Variants in WDR1 observed in about 807,000 individuals in gnomAD.
WDR1 encodes WD repeat domain 1, also known as WD repeat-containing protein 1.
A neutral mutation model predicts 71.9 loss-of-function variants in WDR1; 21 were observed. The ratio of observed to expected loss-of-function variants is 0.29; its 90% CI spans 0.21 to 0.42. WDR1 has a LOEUF of 0.42. Among genes scored for constraint, WDR1 ranks in the 10% least tolerant of loss-of-function variants. The pLI, the probability that WDR1 is intolerant of heterozygous loss-of-function variation, is 1.00. For missense variants in WDR1, 696 were observed against 824.5 expected (o/e 0.84, Z 1.91); for synonymous variants, 424 against 347.4 (o/e 1.22, Z -2.45).
intron 5 of WDR1, among the ~76,000 whole-genome samples, chr4:10,093,926 T>C (rs1043626639): frequency 1.3e-5 from 2 of 152,218 alleles, no homozygotes; most frequent in African/African-American, 2.4e-5. Flanking sequence ...GAGCTCAAAT[T>C]TTCCTTATCT....
chr4:10,112,854 G>A (rs1016935403), intron 2 of WDR1, among the ~76,000 whole-genome samples: 3 of 152,236 alleles, frequency 2.0e-5, no homozygotes, highest in Non-Finnish European at 2.9e-5. Context: ...GGCAGTGACT[G>A]AAAGAGAGGG....
At chr4:10,086,977 G>A (rs1246114043) in intron 8 of WDR1, among the ~76,000 whole-genome samples, 5 of 152,086 alleles carry the variant, frequency 3.3e-5, no homozygotes, top group South Asian at 2.1e-4. Context: ...TCCCAGAGGC[G>A]TCAACTTGGC....
chr4:10,113,013 T>G (rs1401628076), intron 2 of WDR1, among the ~76,000 whole-genome samples: 1 of 152,138 alleles, frequency 6.6e-6, no homozygotes, highest in Admixed American at 6.5e-5. Context: ...GGATGGAAAA[T>G]TCTATTCCGG....
At chr4:10,077,542 A>T in intron 13 of WDR1, 94 bp from the exon 14 acceptor site, 1 of 1,577,424 alleles carries the variant, frequency 6.3e-7, no homozygotes, top group Non-Finnish European at 8.6e-7. Context: ...GACAATAAGG[A>T]CCGAGGTTTC....
At chr4:10,087,021 C>CG (rs1396724146) in intron 8 of WDR1, among the ~76,000 whole-genome samples, 2 of 152,174 alleles carry the variant, frequency 1.3e-5, no homozygotes, top group Non-Finnish European at 2.9e-5. Context: ...AGGACCCCCC[C>CG]AGCCAATGGA....
At chr4:10,099,808 G>GT (rs1407378044) in intron 3 of WDR1, among the ~76,000 whole-genome samples, 5 of 152,252 alleles carry the variant, frequency 3.3e-5, no homozygotes, top group African/African-American at 1.2e-4. Context: ...GAATCCAAGC[G>GT]TAAGATTCTT....
intron 3 of WDR1, 115 bp downstream of exon 3, chr4:10,103,781 C>T: frequency 3.8e-6 from 1 of 263,014 alleles, no homozygotes; most frequent in Non-Finnish European, 7.5e-6. Context: ...CCTGCTCCCC[C>T]ACCCCCCACC....
rs769175785 is a variant in WDR1, at chr4:10,087,750, T to C, written c.908A>G (p.Tyr303Cys). The change falls in exon 8 of 15, where the codon TAT becomes TGT. Residue 303 changes from tyrosine to cysteine, a missense_variant. Physicochemically the swap from Tyr to Cys is radical, Grantham distance 194. Coordinates refer to ENST00000499869, the MANE Select transcript of WDR1 (RefSeq NM_017491.5). Reference sequence around the variant, plus strand: ...CTTGCTGGGGTTGTTTCTGTCCAGATAGTTGATGTACCCGGACAGGGAGAC... The same window carrying C: ...CTTGCTGGGGTTGTTTCTGTCCAGACAGTTGATGTACCCGGACAGGGAGAC... ...LSVSLSGYIN[Y>C]LDRNNPSKPL... The C allele has an allele frequency of 1.2e-6, 2 of 1,602,602 alleles. No individual in the cohort carries two copies. The highest frequency in any genetic ancestry group is 1.7e-6 in the Non-Finnish European group (2 of 1,174,398).
In WDR1 at chr4:10,098,942, C is replaced by G. The variant is rs563717810; in HGVS notation, c.377+50G>C. 6.8e-6 allele frequency: 11 copies of G among 1,610,316 alleles called. No individual in the cohort carries two copies. In the African/African-American group the frequency reaches 1.5e-4, roughly 22 times the overall value. On this transcript the variant is annotated intron_variant, in intron 4 of 14. Coordinates refer to ENST00000499869, the MANE Select transcript of WDR1 (RefSeq NM_017491.5). ...CCCTCCCAGGGTCATAGCACATGGA[C>G]GCATGAGCCACAGCAACAGGGCAGG...
At chr4:10,094,875 C>T (rs552717310) in intron 5 of WDR1, 1 of 152,270 alleles carries the variant, frequency 6.6e-6, no homozygotes, top group Admixed American at 6.5e-5. Context: ...TCATGGAGTT[C>T]TGCTTCAGCT....
intron 9 of WDR1, 162 bp downstream of exon 9, chr4:10,084,281 T>G: frequency 1.6e-6 from 1 of 625,216 alleles, no homozygotes; most frequent in South Asian, 1.8e-5. Flanking sequence ...CCTGTCCCCA[T>G]GTACAGACAG....
chr4:10,084,672 C>T, intron 8 of WDR1, 142 bp from the exon 9 acceptor site: 1 of 742,000 alleles, frequency 1.3e-6, no homozygotes, highest in East Asian at 2.8e-5. Context: ...TCTGAGGCCC[C>T]AGTAGCCCCA....
intron 2 of WDR1, chr4:10,108,415 T>G (rs1713150791): frequency 6.6e-6 from 1 of 152,126 alleles, no homozygotes; most frequent in Admixed American, 6.6e-5. Context: ...CAAAAAACAT[T>G]TCAGCAGATG....
intron 4 of WDR1, 132 bp downstream of exon 4, chr4:10,098,860 C>T: frequency 7.5e-7 from 1 of 1,336,338 alleles, no homozygotes; most frequent in Non-Finnish European, 1.0e-6. Context: ...CGGGGCCCGG[C>T]ACCTACTGGG....
intron 2 of WDR1, among the ~76,000 whole-genome samples, chr4:10,108,663 A>G (rs1388841594): frequency 6.6e-6 from 1 of 152,212 alleles, no homozygotes; most frequent in Non-Finnish European, 1.5e-5. Flanking sequence ...CCTTATGTTC[A>G]CTGGTGACTA....
rs74380925 is a variant in WDR1, at chr4:10,111,219, C to G, written c.138+4894G>C. On this transcript the variant is annotated intron_variant, in intron 2 of 14. Transcript: ENST00000499869. ...TGGTAGGGCTGTGTGAGCCACCTGCCACCACTGCACACCAGCACTTCTCAG... is the reference window on the plus strand; with the variant it reads ...TGGTAGGGCTGTGTGAGCCACCTGCGACCACTGCACACCAGCACTTCTCAG... Among the ~76,000 whole-genome samples, 747 of 152,310 alleles carry G rather than the reference C, an allele frequency of 4.9e-3. 8 individuals are homozygous for G. Among genetic ancestry groups the G allele is most frequent in the African/African-American group, 0.017 (705 of 41,570 alleles).
At chr4:10,100,484 C>T (rs1413373177) in intron 3 of WDR1, among the ~76,000 whole-genome samples, 2 of 152,232 alleles carry the variant, frequency 1.3e-5, no homozygotes, top group African/African-American at 2.4e-5. Flanking sequence ...ACACAGGCCA[C>T]GAAGATGCCT....
At chr4:10,106,503 G>A (rs4697705) in intron 2 of WDR1, 66,076 of 152,144 alleles carry the variant, frequency 0.43, 14,791 homozygotes, top group Admixed American at 0.53. Flanking sequence ...AGATGGCCTC[G>A]TGGGCTCTCC....
chr4:10,078,756 C>A, intron 12 of WDR1, 135 bp downstream of exon 12: 2 of 710,794 alleles, frequency 2.8e-6, no homozygotes, highest in East Asian at 3.1e-5. Flanking sequence ...GCAGGTCCCA[C>A]GCCCCGACTG....
Sources: gnomAD v4.1 joint callset for allele counts (sites outside exome capture counted in the v4.1 genomes callset) on GRCh38, gnomAD v4.1.1 for gene constraint, MANE v1.5 for transcripts, NCBI Gene and HGNC (gene_info 2026-07-23, HGNC 2026-07-21) for gene names.